SMAD3: variants seen among roughly 807,000 people sequenced by gnomAD.
The protein encoded by SMAD3 is MAD homolog 3.
Under a neutral mutation model 51.8 loss-of-function variants are expected in SMAD3, and 12 were observed. The observed-to-expected ratio is 0.23, with a 90% CI of 0.15 to 0.38. SMAD3 has a LOEUF of 0.38. Among genes scored for constraint, SMAD3 ranks in the 10% least tolerant of loss-of-function variants. The pLI, the probability that SMAD3 is intolerant of heterozygous loss-of-function variation, is 1.00. For synonymous variants in SMAD3, 238 were observed against 227.7 expected (o/e 1.05, Z -0.41); for missense variants, 294 against 565.6 (o/e 0.52, Z 4.87).
At chr15:67,085,694 C>T (rs924637453) in intron 1 of SMAD3, among the ~76,000 whole-genome samples, 4 of 152,088 alleles carry the variant, frequency 2.6e-5, no homozygotes, top group Non-Finnish European at 4.4e-5. Context: ...CAGTGAATTT[C>T]AAATTTCTAC....
At chr15:67,126,477 C>G (rs1428339071) in intron 1 of SMAD3, among the ~76,000 whole-genome samples, 1 of 152,180 alleles carries the variant, frequency 6.6e-6, no homozygotes, top group East Asian at 1.9e-4. Flanking sequence ...TTTAAACATG[C>G]TTTGCAGTGA....
chr15:67,189,914 C>T (rs1826297285), intron 8 of SMAD3, among the ~76,000 whole-genome samples: 1 of 152,024 alleles, frequency 6.6e-6, no homozygotes, highest in Non-Finnish European at 1.5e-5. Flanking sequence ...GAACCGAAGG[C>T]ATGCGGACAC....
intron 1 of SMAD3, among the ~76,000 whole-genome samples, chr15:67,104,247 A>G (rs959503776): frequency 2.6e-5 from 4 of 152,280 alleles, no homozygotes; most frequent in East Asian, 3.9e-4. Context: ...TGGTATTACA[A>G]GGTGCTCACT....
intron 1 of SMAD3, among the ~76,000 whole-genome samples, chr15:67,158,931 T>G (rs1322389062): frequency 6.6e-6 from 1 of 152,206 alleles, no homozygotes; most frequent in African/African-American, 2.4e-5. Flanking sequence ...GACAATAGAT[T>G]CCTGCCACTT....
At chr15:67,135,312 G>GC (rs962680130) in intron 1 of SMAD3, among the ~76,000 whole-genome samples, 2 of 152,168 alleles carry the variant, frequency 1.3e-5, no homozygotes, top group Non-Finnish European at 2.9e-5. Context: ...TCCAGGGGCA[G>GC]CCCCCGGGCC....
At chr15:67,102,174 T>A (rs1269219253) in intron 1 of SMAD3, among the ~76,000 whole-genome samples, 1 of 152,020 alleles carries the variant, frequency 6.6e-6, no homozygotes, top group Admixed American at 6.6e-5. Flanking sequence ...ATGAGGATAA[T>A]TGACCCAGTG....
chr15:67,071,111 A>C (rs1289127192), intron 1 of SMAD3, among the ~76,000 whole-genome samples: 4 of 152,178 alleles, frequency 2.6e-5, no homozygotes, highest in African/African-American at 9.7e-5. Context: ...GGAATGTGCT[A>C]AGTGCCCAGC....
intron 1 of SMAD3, among the ~76,000 whole-genome samples, chr15:67,151,483 C>T (rs1156658097): frequency 3.3e-5 from 5 of 152,134 alleles, no homozygotes; most frequent in Non-Finnish European, 5.9e-5. Context: ...CAGGCTTGCG[C>T]CACCATGCCC....
At chr15:67,179,028 C>T (rs903029867) in intron 5 of SMAD3, among the ~76,000 whole-genome samples, 7 of 152,330 alleles carry the variant, frequency 4.6e-5, no homozygotes, top group African/African-American at 1.7e-4. Context: ...TTGTTGTTAA[C>T]ACCATGTGCT....
At chr15:67,175,120 A>G (rs1962854090) in intron 5 of SMAD3, among the ~76,000 whole-genome samples, 1 of 152,212 alleles carries the variant, frequency 6.6e-6, no homozygotes, top group Non-Finnish European at 1.5e-5. Context: ...ATGGAGGGGA[A>G]GGAGGAGGCA....
chr15:67,095,395 G>C (rs996515664), intron 1 of SMAD3, among the ~76,000 whole-genome samples: 2 of 152,110 alleles, frequency 1.3e-5, no homozygotes, highest in Non-Finnish European at 2.9e-5. Context: ...CAAATGGAAG[G>C]ATGGCTGTGG....
chr15:67,181,486 C>A, intron 6 of SMAD3, 33 bp downstream of exon 6: 1 of 1,487,766 alleles, frequency 6.7e-7, no homozygotes, highest in Non-Finnish European at 9.1e-7. Context: ...GCCCCCCCAC[C>A]CTGCCCCTGC....
chr15:67,183,217 T>C (rs1181920583), intron 6 of SMAD3, among the ~76,000 whole-genome samples: 7 of 150,868 alleles, frequency 4.6e-5, no homozygotes, highest in Admixed American at 6.6e-5. Flanking sequence ...TAATTTTTTG[T>C]ATTTTTAGTA....
At chr15:67,127,437 C>T (rs1202649277) in intron 1 of SMAD3, among the ~76,000 whole-genome samples, 1 of 152,196 alleles carries the variant, frequency 6.6e-6, no homozygotes, top group African/African-American at 2.4e-5. Context: ...TCCCAGATGA[C>T]TGGCCCATCC....
chr15:67,193,887 A>G lies in SMAD3; in HGVS notation c.*3351A>G, dbSNP rs1963432484. On this transcript the variant is annotated 3_prime_UTR_variant, in exon 9 of 9. Coordinates refer to ENST00000327367, the MANE Select transcript of SMAD3 (RefSeq NM_005902.4). ...CAGAAAGGTTTGAAGTAGTGTGTGC[A>G]TGGCATGCACGTATGTAAGTAATCT... is the stretch of plus-strand genomic sequence containing the variant. 1 of 233,114 alleles carries G rather than the reference A, an allele frequency of 4.3e-6. No individual in the cohort carries two copies. The highest frequency in any genetic ancestry group is 1.8e-4 in the South Asian group (1 of 5,530). 14.4% of individuals were successfully genotyped at this position (233,114 alleles called of 1,614,324 possible). A position where few individuals can be genotyped will look rare whatever the true frequency, so the allele number is the denominator to read the frequency against.
chr15:67,081,793 G>T (rs1281446345), intron 1 of SMAD3, among the ~76,000 whole-genome samples: 1 of 152,124 alleles, frequency 6.6e-6, no homozygotes, highest in Non-Finnish European at 1.5e-5. Context: ...CTGGTATCTT[G>T]TTGGTCAGTA....
chr15:67,146,685 C>T (rs72743459), intron 1 of SMAD3, among the ~76,000 whole-genome samples: 28,988 of 152,090 alleles, frequency 0.19, 2,936 homozygotes, highest in Middle Eastern at 0.23. Flanking sequence ...GATGCCTGAG[C>T]GGGGAGAGAA....
At chr15:67,066,559 C>G (rs1211786919) in intron 1 of SMAD3, among the ~76,000 whole-genome samples, 199 bp downstream of exon 1, 1 of 152,218 alleles carries the variant, frequency 6.6e-6, no homozygotes, top group Non-Finnish European at 1.5e-5. Flanking sequence ...CTCTGATTTG[C>G]AAAGATCAGA....
At chr15:67,109,056 G>T (rs776140351) in intron 1 of SMAD3, among the ~76,000 whole-genome samples, 2 of 152,168 alleles carry the variant, frequency 1.3e-5, no homozygotes, top group Non-Finnish European at 2.9e-5. Flanking sequence ...ATTCGTCTTC[G>T]TGTCTCTGGA....
Sources: gnomAD v4.1 joint callset for allele counts (sites outside exome capture counted in the v4.1 genomes callset) on GRCh38, gnomAD v4.1.1 for gene constraint, MANE v1.5 for transcripts, NCBI Gene and HGNC (gene_info 2026-07-23, HGNC 2026-07-21) for gene names.